SEC24B: variants seen among roughly 807,000 people sequenced by gnomAD.
SEC24B encodes SEC24 homolog B, COPII component.
SEC24B carries 45 observed loss-of-function variants against 142.8 expected under a neutral mutation model. The observed-to-expected ratio is 0.32, with a 90% CI of 0.25 to 0.40. SEC24B has a LOEUF of 0.40. Among genes scored for constraint, SEC24B ranks in the 10% least tolerant of loss-of-function variants. The pLI, the probability that SEC24B is intolerant of heterozygous loss-of-function variation, is 1.00. For missense variants in SEC24B, 1,409 were observed against 1,526.8 expected, an observed-to-expected ratio of 0.92 and a Z score of 1.29; for synonymous variants, 574 against 568.2, an observed-to-expected ratio of 1.01 and a Z score of -0.15.
chr4:109,496,199 G>T (rs189653262), intron 6 of SEC24B, among the ~76,000 whole-genome samples: 7 of 151,402 alleles, frequency 4.6e-5, no homozygotes, highest in Non-Finnish European at 5.9e-5. Flanking sequence ...TGCAACCTCC[G>T]CCTACTGGGT....
chr4:109,487,180 AAAAAG>A (rs1561123809), intron 4 of SEC24B, among the ~76,000 whole-genome samples: 1 of 151,816 alleles, frequency 6.6e-6, no homozygotes, highest in East Asian at 1.9e-4. Context: ...AAAAAAAAAA[AAAAAG>A]AAAAGTGTAT....
intron 4 of SEC24B, among the ~76,000 whole-genome samples, chr4:109,487,752 C>A (rs532701121): frequency 6.6e-6 from 1 of 152,220 alleles, no homozygotes; most frequent in South Asian, 2.1e-4. Flanking sequence ...ATTATCATTG[C>A]TTTGATATTT....
At chr4:109,529,176 A>C (rs556554692) in intron 18 of SEC24B, among the ~76,000 whole-genome samples, 1 of 152,084 alleles carries the variant, frequency 6.6e-6, no homozygotes, top group African/African-American at 2.4e-5. Flanking sequence ...GGTGGGGGGA[A>C]AAAGAAGAAG....
intron 20 of SEC24B, 74 bp from the exon 21 acceptor site, chr4:109,532,565 G>T (rs1352282638): frequency 5.6e-6 from 6 of 1,062,640 alleles, no homozygotes; most frequent in African/African-American, 1.6e-5. Flanking sequence ...TTCATAAAGG[G>T]TTAGTGACCA....
At position 109,473,052 on chromosome 4, in the gene SEC24B, A is replaced by C; in HGVS notation, c.926A>C (p.Lys309Thr). The C allele has an allele frequency of 6.3e-7, 1 of 1,595,636 alleles. No homozygotes were observed. The highest frequency in any genetic ancestry group is 8.5e-7 in the Non-Finnish European group (1 of 1,171,368). Residue 309 changes from lysine to threonine, a missense_variant, in exon 3 of 24, where the codon AAG becomes ACG. Physicochemically the swap from Lys to Thr is moderately conservative, Grantham distance 78 (BLOSUM62 -1). Around this residue, in one of 2 missense-constraint regions of SEC24B, gnomAD observed 709 missense variants for 673.5 expected, o/e 1.05. Transcript: ENST00000265175. ...CPVMQNVQPPKSSPVVSTVLS... is the reference protein window; with the variant it reads ...CPVMQNVQPPTSSPVVSTVLS... The stretch of plus-strand genomic sequence containing the variant: ...GTTATGCAAAATGTTCAGCCTCCCA[A>C]GTCCAGCCCAGTGGTATCCACTGTT...
chr4:109,491,425 T>A lies in SEC24B; in HGVS notation c.1246+18T>A. On this transcript the variant is annotated intron_variant, in intron 5 of 23. Transcript: ENST00000265175. ...TTACCCAGGTAATTTGTTTTGTGCT[T>A]GCTTGATCTTCATTTTGAAAGTTAT... 1 of 1,580,088 alleles carries A rather than the reference T, an allele frequency of 6.3e-7. No homozygotes were observed. Among genetic ancestry groups the A allele is most frequent in the Non-Finnish European group, 8.7e-7 (1 of 1,149,326 alleles).
At chr4:109,500,651 A>G (rs1429453279) in intron 6 of SEC24B, among the ~76,000 whole-genome samples, 10 of 152,106 alleles carry the variant, frequency 6.6e-5, no homozygotes, top group Admixed American at 6.6e-4. Flanking sequence ...GTATTACAGA[A>G]GAAAGAAAAA....
At position 109,531,365 on chromosome 4, in the gene SEC24B, G is replaced by GT. The variant is rs747377926; in HGVS notation, c.3253-17dup. The stretch of plus-strand genomic sequence containing the variant: ...CCATATTTGTATTTTACTTGAAAAC[G>GT]TTTATCTTTTTCCTTGTAGAAAGCA... On this transcript the variant is annotated intron_variant, in intron 19 of 23. Transcript: ENST00000265175. 18 of 1,583,888 alleles carry GT rather than the reference G, an allele frequency of 1.1e-5. No homozygotes were observed. The highest frequency in any genetic ancestry group is 2.8e-5 in the African/African-American group (2 of 71,576).
At position 109,516,520 on chromosome 4, in the gene SEC24B, C is replaced by A. The variant is rs367726660; in HGVS notation, c.2014-8C>A. 1.9e-6 allele frequency: 3 copies of A among 1,555,024 alleles called. No homozygotes were observed. In the African/African-American group the frequency reaches 4.1e-5, roughly 21 times the overall value. On this transcript the variant is annotated splice_polypyrimidine_tract_variant and splice_region_variant and intron_variant, in intron 10 of 23. Coordinates refer to ENST00000265175, the MANE Select transcript of SEC24B (RefSeq NM_006323.5). Reference sequence around the variant, plus strand: ...CCAAATAACTTACTTTATTTTTATTCCTTTCAGCTGCGTCCTCCTCAACCT... The same window carrying A: ...CCAAATAACTTACTTTATTTTTATTACTTTCAGCTGCGTCCTCCTCAACCT...
intron 3 of SEC24B, among the ~76,000 whole-genome samples, chr4:109,476,224 T>A (rs2125970529): frequency 6.6e-6 from 1 of 152,296 alleles, no homozygotes; most frequent in Admixed American, 6.5e-5. Context: ...TGGCCTCAAG[T>A]GATCTGCCTG....
At chr4:109,530,262 A>G in intron 18 of SEC24B, 27 bp from the exon 19 acceptor site, 1 of 1,598,388 alleles carries the variant, frequency 6.3e-7, no homozygotes, top group Non-Finnish European at 8.5e-7. Flanking sequence ...AATGGTTAAA[A>G]TACCTTTCAC....
chr4:109,439,870 A>C (rs1269896802), intron 1 of SEC24B, among the ~76,000 whole-genome samples: 1 of 151,294 alleles, frequency 6.6e-6, no homozygotes, highest in African/African-American at 2.4e-5. Flanking sequence ...CCTGTAATCC[A>C]AGCACTTTGG....
intron 11 of SEC24B, among the ~76,000 whole-genome samples, chr4:109,519,388 A>G (rs2126067591): frequency 6.6e-6 from 1 of 152,354 alleles, no homozygotes; most frequent in Non-Finnish European, 1.5e-5. Flanking sequence ...TACAGCAGAA[A>G]ACAAGCATTG....
At chr4:109,446,288 A>G (rs1160115374) in intron 1 of SEC24B, among the ~76,000 whole-genome samples, 17 of 152,222 alleles carry the variant, frequency 1.1e-4, no homozygotes. Context: ...AAATGTGAAG[A>G]CAGAAGCAGA....
At chr4:109,475,263 G>A (rs2125967414) in intron 3 of SEC24B, among the ~76,000 whole-genome samples, 1 of 152,258 alleles carries the variant, frequency 6.6e-6, no homozygotes, top group East Asian at 1.9e-4. Context: ...TGTCTTTGGA[G>A]AGATCTGAGC....
intron 1 of SEC24B, among the ~76,000 whole-genome samples, chr4:109,441,772 T>A (rs898027201): frequency 1.3e-5 from 2 of 152,176 alleles, no homozygotes; most frequent in African/African-American, 4.8e-5. Flanking sequence ...AGAAGGATAA[T>A]TGATGTTGTA....
chr4:109,471,233 C>T (rs2125955889), intron 2 of SEC24B, among the ~76,000 whole-genome samples: 1 of 152,296 alleles, frequency 6.6e-6, no homozygotes, highest in African/African-American at 2.4e-5. Flanking sequence ...ACCTCCTCCT[C>T]CTGGGCTCAA....
At chr4:109,453,712 C>G (rs573778370) in intron 1 of SEC24B, among the ~76,000 whole-genome samples, 2 of 152,010 alleles carry the variant, frequency 1.3e-5, no homozygotes, top group African/African-American at 4.8e-5. Flanking sequence ...GGTCCTGAGG[C>G]GACATACATC....
chr4:109,492,910 G>A (rs1735165505), intron 5 of SEC24B, among the ~76,000 whole-genome samples: 1 of 151,544 alleles, frequency 6.6e-6, no homozygotes, highest in Non-Finnish European at 1.5e-5. Flanking sequence ...CATAAAGATG[G>A]GGTCTCACTT....
Sources: gnomAD v4.1 joint callset for allele counts (sites outside exome capture counted in the v4.1 genomes callset) on GRCh38, gnomAD v4.1.1 for gene constraint, gnomAD v4.1.1 regional missense constraint, MANE v1.5 for transcripts, NCBI Gene and HGNC (gene_info 2026-07-23, HGNC 2026-07-21) for gene names.